The following FLRT1 variants were observed in gnomAD, a reference collection of about 807,000 sequenced individuals.
FLRT1 encodes the protein leucine-rich repeat transmembrane protein FLRT1.
In FLRT1, 14 loss-of-function variants were observed where a neutral mutation model predicts 30.9. The ratio of observed to expected loss-of-function variants is 0.45; its 90% CI spans 0.30 to 0.71. The LOEUF (loss-of-function observed/expected upper bound fraction) is 0.71. Among genes scored for constraint, FLRT1 ranks in the 30% least tolerant of loss-of-function variants. The pLI, the probability that FLRT1 is intolerant of heterozygous loss-of-function variation, is 0.08. For missense variants in FLRT1, 737 were observed against 949.2 expected, an observed-to-expected ratio of 0.78 and a Z score of 2.94; for synonymous variants, 368 against 430.4, an observed-to-expected ratio of 0.85 and a Z score of 1.80.
chr11:64,116,609 C>G lies in FLRT1; in HGVS notation c.342C>G (p.Tyr114Ter). The change falls in exon 3 of 3, where the codon TAC becomes TAG. Residue 114 changes from tyrosine to a stop codon, truncating the protein, a stop_gained. Transcript: ENST00000682287. LOFTEE classifies it high-confidence loss of function. The part of the protein sequence containing the change: ...TKVNVQVIYL[Y>*]ENDLDEFPIN... The stretch of plus-strand genomic sequence containing the variant: ...TCAACGTGCAGGTCATCTACCTATA[C>G]GAGAATGACCTGGATGAGTTCCCCA... The G allele has an allele frequency of 6.2e-7, 1 of 1,614,202 alleles. No individual in the cohort carries two copies. Among genetic ancestry groups the G allele is most frequent in the East Asian group, 2.2e-5 (1 of 44,884 alleles).
chr11:64,051,378 C>T (rs982390674), intron 1 of FLRT1, among the ~76,000 whole-genome samples: 1 of 152,184 alleles, frequency 6.6e-6, no homozygotes, highest in Admixed American at 6.5e-5. Context: ...GCTAGAGAGG[C>T]AGCAGGGACT....
chr11:64,066,943 C>T (rs576174423), intron 1 of FLRT1, among the ~76,000 whole-genome samples: 107 of 152,314 alleles, frequency 7.0e-4, no homozygotes, highest in Middle Eastern at 3.4e-3. Context: ...GTGCTGCCCG[C>T]CCCAGTGCGC....
chr11:64,077,552 G>C (rs1944225161), intron 1 of FLRT1, among the ~76,000 whole-genome samples: 1 of 152,126 alleles, frequency 6.6e-6, no homozygotes, highest in African/African-American at 2.4e-5. Context: ...GGCGGGGCAG[G>C]GGGGGTCCCT....
chr11:64,046,993 C>T (rs1344526890), intron 1 of FLRT1, among the ~76,000 whole-genome samples: 1 of 152,230 alleles, frequency 6.6e-6, no homozygotes, highest in Non-Finnish European at 1.5e-5. Flanking sequence ...CCTGGCATTT[C>T]AGACCTTCCC....
At chr11:64,105,437 G>A (rs1023943573) in intron 2 of FLRT1, among the ~76,000 whole-genome samples, 24 of 152,326 alleles carry the variant, frequency 1.6e-4, no homozygotes, top group Admixed American at 1.4e-3. Flanking sequence ...TGGCCCTCTG[G>A]TTGTGAGCAT....
At chr11:64,044,228 G>A (rs917676247) in intron 1 of FLRT1, among the ~76,000 whole-genome samples, 1 of 151,722 alleles carries the variant, frequency 6.6e-6, no homozygotes, top group Non-Finnish European at 1.5e-5. Context: ...TATGTACCTG[G>A]TGGTTGGCAG....
At chr11:64,044,352 A>C (rs886997803) in intron 1 of FLRT1, among the ~76,000 whole-genome samples, 10 of 151,704 alleles carry the variant, frequency 6.6e-5, no homozygotes, top group African/African-American at 2.4e-4. Flanking sequence ...TTTGGGCTCA[A>C]GTGATCCTCC....
At chr11:64,055,377 C>A (rs952332453) in intron 1 of FLRT1, among the ~76,000 whole-genome samples, 7 of 152,226 alleles carry the variant, frequency 4.6e-5, no homozygotes, top group African/African-American at 1.4e-4. Flanking sequence ...GGTGGAGTTG[C>A]CCTTCATTCA....
In FLRT1 at chr11:64,117,020, A is replaced by G; in HGVS notation, c.753A>G (p.Thr251=). 4 of 1,612,196 alleles carry G rather than the reference A, an allele frequency of 2.5e-6. No homozygotes were observed. The highest frequency in any genetic ancestry group is 3.4e-6 in the Non-Finnish European group (4 of 1,179,484). The change falls in exon 3 of 3, where the codon ACA becomes ACG. Residue 251 remains threonine (T), a synonymous_variant. Coordinates refer to ENST00000682287, the MANE Select transcript of FLRT1 (RefSeq NM_013280.5). ...DDTFSRLQNL[T]ELSLVRNSLA... ...CCTTCAGCCGCCTACAGAACCTCACAGAGCTCTCGCTGGTGCGCAATTCGC... is the reference window on the plus strand; with the variant it reads ...CCTTCAGCCGCCTACAGAACCTCACGGAGCTCTCGCTGGTGCGCAATTCGC...
Position 64,055,070 on chromosome 11 carries a change from C to A in FLRT1, c.-1038+18911C>A, listed in dbSNP as rs12221631. On this transcript the variant is annotated intron_variant, in intron 1 of 2. Transcript: ENST00000682287. ...TTCCTCCAGGAAGCCTTCCTAGATC[C>A]CCCCAGCCTGGTCCAGAAGGTGACC... Among the ~76,000 whole-genome samples the A allele has an allele frequency of 4.1e-4, 62 of 152,242 alleles. No homozygotes were observed. The East Asian group carries it at 0.011, about 27-fold the overall frequency.
chr11:64,104,823 A>G (rs2845881), intron 2 of FLRT1, among the ~76,000 whole-genome samples: 146,913 of 152,238 alleles, frequency 0.97, 71,111 homozygotes, highest in Middle Eastern at 1. Context: ...GGGTCACACA[A>G]CAGGCGGTGA....
At chr11:64,086,968 G>C (rs577267422) in intron 1 of FLRT1, 1 of 152,226 alleles carries the variant, frequency 6.6e-6, no homozygotes, top group Non-Finnish European at 1.5e-5. Flanking sequence ...GCCTTTTGAC[G>C]CAGGGAGATG....
intron 2 of FLRT1, among the ~76,000 whole-genome samples, chr11:64,110,272 A>C (rs1446177548): frequency 6.6e-6 from 1 of 152,050 alleles, no homozygotes; most frequent in Non-Finnish European, 1.5e-5. Context: ...CAACATAGCA[A>C]AACCCCATCT....
intron 2 of FLRT1, among the ~76,000 whole-genome samples, chr11:64,114,938 G>T (rs1944949018): frequency 6.6e-6 from 1 of 152,208 alleles, no homozygotes; most frequent in African/African-American, 2.4e-5. Flanking sequence ...CAGGAATAGA[G>T]AAGGACAGAG....
intron 1 of FLRT1, among the ~76,000 whole-genome samples, chr11:64,051,394 G>A (rs1055689692): frequency 2.6e-5 from 4 of 152,178 alleles, no homozygotes; most frequent in South Asian, 2.1e-4. Flanking sequence ...GGACTCTGGC[G>A]GCTTGGCCTG....
At chr11:64,038,097 C>T (rs1242512317) in intron 1 of FLRT1, among the ~76,000 whole-genome samples, 4 of 152,162 alleles carry the variant, frequency 2.6e-5, no homozygotes, top group Non-Finnish European at 4.4e-5. Flanking sequence ...GCCCTGTGTC[C>T]CCTCCTCCCC....
Position 64,051,699 on chromosome 11 carries a change from G to A in FLRT1, c.-1038+15540G>A, listed in dbSNP as rs148793108. Among the ~76,000 whole-genome samples, 22 of 152,288 alleles carry A rather than the reference G, an allele frequency of 1.4e-4. No homozygotes were observed. The East Asian group carries it at 4.1e-3, about 28-fold the overall frequency. ...CCCGGAGCTTATAGGGGCAGGGGCC[G>A]AGGTTGGTGAGCTCCTCCCTGAACA... is the stretch of plus-strand genomic sequence containing the variant. On this transcript the variant is annotated intron_variant, in intron 1 of 2. Transcript: ENST00000682287.
chr11:64,074,836 C>G (rs1462751732), intron 1 of FLRT1, among the ~76,000 whole-genome samples: 1 of 152,232 alleles, frequency 6.6e-6, no homozygotes, highest in African/African-American at 2.4e-5. Flanking sequence ...AAGCCTGTGG[C>G]CTGCCTGGTG....
Position 64,064,843 on chromosome 11 carries a change from C to CTCATTCATTCATTCATTCAT in FLRT1, c.-1038+28698_-1038+28717dup, listed in dbSNP as rs71045731. 1.3e-5 allele frequency among the ~76,000 whole-genome samples: 2 copies of CTCATTCATTCATTCATTCAT among 150,334 alleles called. No homozygotes were observed. The highest frequency in any genetic ancestry group is 2.1e-4 in the South Asian group (1 of 4,696). ...CAAGAGGCTAGAGTTTCACAAGGAC[C>CTCATTCATTCATTCATTCAT]TCATTCATTCATTCATTCATTCATT... On this transcript the variant is annotated intron_variant, in intron 1 of 2. Coordinates refer to ENST00000682287, the MANE Select transcript of FLRT1 (RefSeq NM_013280.5). This position sits in a 1 kb window ranked among gnomAD's most constrained non-coding sequence, Gnocchi z 4.5.
Sources: gnomAD v4.1 joint callset for allele counts (sites outside exome capture counted in the v4.1 genomes callset) on GRCh38, gnomAD v4.1.1 for gene constraint, Gnocchi (gnomAD v3.1) non-coding constraint, MANE v1.5 for transcripts, NCBI Gene and HGNC (gene_info 2026-07-23, HGNC 2026-07-21) for gene names.